The following CADM2 variants were observed in gnomAD, a reference collection of about 807,000 sequenced individuals.
CADM2 encodes immunoglobulin superfamily member 4D.
CADM2 carries 12 observed loss-of-function variants against 49.8 expected under a neutral mutation model. The ratio of observed to expected loss-of-function variants is 0.24; its 90% confidence interval spans 0.15 to 0.39. The LOEUF (loss-of-function observed/expected upper bound fraction) is 0.39. Ranked by LOEUF, CADM2 falls within the 10% of genes least tolerant of loss-of-function variation. CADM2 has a pLI of 1.00. For missense variants in CADM2, 378 were observed against 492.3 expected, an observed-to-expected ratio of 0.77 and a Z score of 2.20; for synonymous variants, 214 against 175.4, an observed-to-expected ratio of 1.22 and a Z score of -1.74.
intron 1 of CADM2, among the ~76,000 whole-genome samples, chr3:85,514,337 A>T (rs763012595): frequency 7.9e-5 from 12 of 152,066 alleles, no homozygotes; most frequent in Non-Finnish European, 1.3e-4. Context: ...AAACCTACAT[A>T]ATTGTAACTG....
intron 1 of CADM2, among the ~76,000 whole-genome samples, chr3:85,399,810 A>G (rs1256490128): frequency 6.6e-6 from 1 of 152,168 alleles, no homozygotes; most frequent in Non-Finnish European, 1.5e-5. Context: ...ATTTTTGCAC[A>G]TTGATTTTGT....
intron 8 of CADM2, among the ~76,000 whole-genome samples, chr3:85,974,952 A>G (rs767536219): frequency 3.3e-5 from 5 of 151,596 alleles, no homozygotes; most frequent in South Asian, 2.1e-4. Flanking sequence ...TTATAAGAAG[A>G]TATTTTCATA....
chr3:85,719,850 A>C (rs116613258), intron 1 of CADM2, among the ~76,000 whole-genome samples: 5,711 of 152,224 alleles, frequency 0.038, 286 homozygotes, highest in African/African-American at 0.11. Context: ...TTTCAAACAC[A>C]TACAAAAACA....
chr3:85,565,237 A>G (rs2107202019), intron 1 of CADM2, among the ~76,000 whole-genome samples: 1 of 152,128 alleles, frequency 6.6e-6, no homozygotes, highest in East Asian at 1.9e-4. Context: ...GAAAAAAAAT[A>G]CTTTGAAATA....
At chr3:85,506,338 T>A (rs1476630240) in intron 1 of CADM2, among the ~76,000 whole-genome samples, 2 of 152,224 alleles carry the variant, frequency 1.3e-5, no homozygotes, top group Non-Finnish European at 2.9e-5. Flanking sequence ...CTAAATGTTA[T>A]AAACAAGTTT....
At chr3:85,892,610 T>A (rs574345519) in intron 5 of CADM2, among the ~76,000 whole-genome samples, 3 of 152,186 alleles carry the variant, frequency 2.0e-5, no homozygotes, top group Non-Finnish European at 4.4e-5. Flanking sequence ...CCTTTGCTCC[T>A]CCTTCACCTT....
intron 1 of CADM2, among the ~76,000 whole-genome samples, chr3:85,304,633 C>A (rs2044172519): frequency 6.6e-6 from 1 of 151,708 alleles, no homozygotes; most frequent in Non-Finnish European, 1.5e-5. Context: ...AATAACTCAC[C>A]TTTCTTTTGA....
At chr3:85,807,788 T>TGTTCC (rs1350779609) in intron 3 of CADM2, among the ~76,000 whole-genome samples, 94 of 152,214 alleles carry the variant, frequency 6.2e-4, no homozygotes, top group Admixed American at 1.4e-3. Flanking sequence ...GATGTCATAA[T>TGTTCC]ATACCTTGTC....
intron 1 of CADM2, among the ~76,000 whole-genome samples, chr3:85,049,962 G>A (rs1192283260): frequency 2.6e-5 from 4 of 151,898 alleles, no homozygotes; most frequent in Non-Finnish European, 4.4e-5. Context: ...GCCATATCTT[G>A]GGCTGGACTC....
At chr3:85,968,274 T>C (rs1420483974) in intron 8 of CADM2, among the ~76,000 whole-genome samples, 4 of 151,690 alleles carry the variant, frequency 2.6e-5, no homozygotes, top group Admixed American at 1.3e-4. Context: ...ATGAATATGC[T>C]GTTGAACTCT....
At chr3:85,234,680 G>T (rs1455232206) in intron 1 of CADM2, among the ~76,000 whole-genome samples, 1 of 152,116 alleles carries the variant, frequency 6.6e-6, no homozygotes, top group African/African-American at 2.4e-5. Flanking sequence ...GGTCAGTGAT[G>T]ATGATTCATA....
intron 3 of CADM2, among the ~76,000 whole-genome samples, chr3:85,854,374 C>A (rs947939201): frequency 6.6e-6 from 1 of 152,106 alleles, no homozygotes. Context: ...GACTTGGAAC[C>A]AACCCAAATG....
intron 9 of CADM2, among the ~76,000 whole-genome samples, chr3:86,066,269 C>A (rs1195281223): frequency 2.4e-5 from 3 of 127,028 alleles, no homozygotes; most frequent in East Asian, 5.2e-4. Flanking sequence ...GGAGGCGGAG[C>A]TTGCGGTGAG....
At chr3:85,245,137 A>G (rs1351565887) in intron 1 of CADM2, among the ~76,000 whole-genome samples, 2 of 152,142 alleles carry the variant, frequency 1.3e-5, no homozygotes, top group Non-Finnish European at 2.9e-5. Context: ...CATCAAAGGA[A>G]AAAAGACCCC....
chr3:85,699,908 T>C (rs528615198), intron 1 of CADM2, among the ~76,000 whole-genome samples: 1 of 152,354 alleles, frequency 6.6e-6, no homozygotes, highest in East Asian at 1.9e-4. Flanking sequence ...TTTCAAATTT[T>C]TATGCTCTGC....
intron 2 of CADM2, among the ~76,000 whole-genome samples, chr3:85,742,179 T>A (rs1173246620): frequency 6.6e-6 from 1 of 152,252 alleles, no homozygotes; most frequent in Non-Finnish European, 1.5e-5. Flanking sequence ...CTTTAGAGGC[T>A]TAGACATTGG....
At chr3:85,023,327 A>AT (rs1473184527) in intron 1 of CADM2, among the ~76,000 whole-genome samples, 1 of 151,920 alleles carries the variant, frequency 6.6e-6, no homozygotes, top group Admixed American at 6.6e-5. Context: ...TTTGCAGGGT[A>AT]TTTTTTCCCT....
intron 1 of CADM2, among the ~76,000 whole-genome samples, chr3:85,085,574 A>C (rs2037336108): frequency 6.6e-6 from 1 of 152,110 alleles, no homozygotes; most frequent in Admixed American, 6.6e-5. Context: ...TTGGAGGAAT[A>C]ATTACTACTA....
At chr3:85,418,986 G>T (rs971319428) in intron 1 of CADM2, among the ~76,000 whole-genome samples, 2 of 151,754 alleles carry the variant, frequency 1.3e-5, no homozygotes, top group African/African-American at 2.4e-5. Flanking sequence ...AAAATGAGAA[G>T]GGTTGGGAAC....
Sources: allele counts gnomAD v4.1 joint callset (sites outside exome capture counted in the v4.1 genomes callset), GRCh38; gene constraint gnomAD v4.1.1; transcripts MANE v1.5; gene names NCBI Gene and HGNC (gene_info 2026-07-23, HGNC 2026-07-21).